CERKL: variants seen among roughly 807,000 people sequenced by gnomAD.
CERKL encodes CERK like autophagy regulator, also known as ceramide kinase-like protein.
A neutral mutation model predicts 63.4 loss-of-function variants in CERKL; 61 were observed. The ratio of observed to expected loss-of-function variants is 0.96; its 90% CI spans 0.78 to 1.19. The LOEUF (loss-of-function observed/expected upper bound fraction) is 1.19, where lower values mean the gene tolerates loss of function less well. Among genes scored for constraint, CERKL ranks in the 50% most tolerant of loss-of-function variants. CERKL has a pLI of 0.00. For synonymous variants in CERKL, 250 were observed against 230.5 expected (o/e 1.08, Z -0.77); for missense variants, 675 against 655.5 (o/e 1.03, Z -0.33).
At chr2:181,590,696 T>C (rs6732321) in intron 2 of CERKL, among the ~76,000 whole-genome samples, 4,634 of 152,282 alleles carry the variant, frequency 0.03, 224 homozygotes, top group African/African-American at 0.11. Flanking sequence ...TGAACTTTAA[T>C]GTATTAAAAC....
rs902430069 is a variant in CERKL, at chr2:181,600,522, T to C, written c.481+3315A>G. On this transcript the variant is annotated intron_variant, in intron 2 of 12. Transcript: ENST00000410087. ...CTCAAAGTGAAGGGATGGAGAAAGATCTAGCATGCAAATAGAAAATTAAAA... is the reference window on the plus strand; with the variant it reads ...CTCAAAGTGAAGGGATGGAGAAAGACCTAGCATGCAAATAGAAAATTAAAA... Among the ~76,000 whole-genome samples, 10 of 152,054 alleles carry C rather than the reference T, an allele frequency of 6.6e-5. 1 individual carries two copies. Among genetic ancestry groups the C allele is most frequent in the Admixed American group, 6.5e-4 (10 of 15,272 alleles).
chr2:181,585,122 T>G (rs1684705622), intron 2 of CERKL, among the ~76,000 whole-genome samples: 1 of 152,054 alleles, frequency 6.6e-6, no homozygotes, highest in Non-Finnish European at 1.5e-5. Context: ...TTCATCTGAT[T>G]GCCTGGTAGT....
chr2:181,623,044 A>G (rs534264844), intron 1 of CERKL, among the ~76,000 whole-genome samples: 3 of 152,224 alleles, frequency 2.0e-5, no homozygotes, highest in African/African-American at 4.8e-5. Context: ...AAGTTCCTCT[A>G]TGTAAGGAAA....
intron 2 of CERKL, among the ~76,000 whole-genome samples, chr2:181,578,211 CACAT>C (rs1459779990): frequency 6.6e-6 from 1 of 151,428 alleles, no homozygotes; most frequent in Non-Finnish European, 1.5e-5. Flanking sequence ...TATATATACA[CACAT>C]ATATATACAC....
intron 1 of CERKL, among the ~76,000 whole-genome samples, chr2:181,604,957 A>G (rs1685617498): frequency 6.6e-6 from 1 of 152,196 alleles, no homozygotes; most frequent in South Asian, 2.1e-4. Flanking sequence ...ATTGACTCTC[A>G]AAGTAGAAGT....
intron 1 of CERKL, among the ~76,000 whole-genome samples, chr2:181,609,533 T>TAAAAAAAAAAAAAAAAAAAA (rs869037405): frequency 1.0e-4 from 7 of 70,212 alleles, no homozygotes; most frequent in Non-Finnish European, 1.1e-4. Flanking sequence ...CTGTCTCTAC[T>TAAAAAAAAAAAAAAAAAAAA]AAAAAAAAAA....
At chr2:181,575,638 C>T (rs973752675) in intron 2 of CERKL, among the ~76,000 whole-genome samples, 13 of 152,124 alleles carry the variant, frequency 8.5e-5, no homozygotes, top group African/African-American at 3.1e-4. Flanking sequence ...ACCCCTCATC[C>T]CACCCCTGAG....
In CERKL at chr2:181,566,229, A is replaced by T. The variant is rs189073238; in HGVS notation, c.614-108T>A. The T allele has an allele frequency of 5.7e-5, 46 of 811,754 alleles. No individual in the cohort carries two copies. The African/African-American group carries it at 7.4e-4, about 13-fold the overall frequency. The allele number at this position is 811,754 out of a possible 1,614,324, so 50.3% of individuals were successfully genotyped here. ...ATGATAAACATATGGTCAAGTCATA[A>T]AACAGCATTTATTCTTGAATATTTA... On this transcript the variant is annotated intron_variant, in intron 3 of 12. Coordinates refer to ENST00000410087, the MANE Select transcript of CERKL (RefSeq NM_201548.5).
chr2:181,604,979 TA>T lies in CERKL; in HGVS notation c.239-901del, dbSNP rs571931107. Among the ~76,000 whole-genome samples the T allele has an allele frequency of 2.6e-4, 40 of 152,228 alleles. 1 individual carries two copies. The East Asian group carries it at 7.5e-3, about 29-fold the overall frequency. ...CTCAAAGTAGAAGTGTTTTAGACCTTAAAAAAAGACTTCCAAAACTTCTGCT... is the reference window on the plus strand; with the variant it reads ...CTCAAAGTAGAAGTGTTTTAGACCTTAAAAAAGACTTCCAAAACTTCTGCT... On this transcript the variant is annotated intron_variant, in intron 1 of 12. Coordinates refer to ENST00000410087, the MANE Select transcript of CERKL (RefSeq NM_201548.5).
intron 3 of CERKL, among the ~76,000 whole-genome samples, chr2:181,572,212 G>C (rs527586678): frequency 2.0e-5 from 3 of 151,722 alleles, no homozygotes; most frequent in African/African-American, 7.3e-5. Context: ...TAGTTCAAAT[G>C]CTTTTCTTGA....
chr2:181,640,307 T>G (rs1314309588), intron 1 of CERKL, among the ~76,000 whole-genome samples: 1 of 152,168 alleles, frequency 6.6e-6, no homozygotes, highest in Non-Finnish European at 1.5e-5. Context: ...TGAGAGTTCC[T>G]TCCTGTTGCT....
chr2:181,591,629 T>C lies in CERKL; in HGVS notation c.481+12208A>G, dbSNP rs190515802. Among the ~76,000 whole-genome samples the C allele has an allele frequency of 1.5e-3, 227 of 152,294 alleles. 2 individuals carry two copies. The highest frequency in any genetic ancestry group is 0.014 in the Middle Eastern group (4 of 294). On this transcript the variant is annotated intron_variant, in intron 2 of 12. Transcript: ENST00000410087. ...AAAGTAGTTTTTATACATCATACGA[T>C]TGGGCAAATGGGCACATGCCTTGTT...
intron 1 of CERKL, among the ~76,000 whole-genome samples, chr2:181,622,532 A>C (rs977726832): frequency 3.3e-5 from 5 of 152,234 alleles, no homozygotes; most frequent in Non-Finnish European, 5.9e-5. Context: ...CTAACAAAAT[A>C]AATGAAGTCT....
chr2:181,558,487 T>C lies in CERKL; in HGVS notation c.820+79A>G. ...TCAAAGTCTGTTCATTAATTCTGTGTTGTGCTGTCTAGATTAGCAAGTAAG... is the reference window on the plus strand; with the variant it reads ...TCAAAGTCTGTTCATTAATTCTGTGCTGTGCTGTCTAGATTAGCAAGTAAG... On this transcript the variant is annotated intron_variant, in intron 5 of 12. Coordinates refer to ENST00000410087, the MANE Select transcript of CERKL (RefSeq NM_201548.5). This position sits in a 1 kb window ranked among gnomAD's most constrained non-coding sequence, Gnocchi z 4.2. 1.7e-5 allele frequency: 24 copies of C among 1,452,902 alleles called. No homozygotes were observed. The highest frequency in any genetic ancestry group is 2.3e-5 in the Non-Finnish European group (24 of 1,041,196). The allele number at this position is 1,452,902 out of a possible 1,614,324, so 90.0% of individuals were successfully genotyped here. A position where few individuals can be genotyped will look rare whatever the true frequency, so the allele number is the denominator to read the frequency against.
At chr2:181,598,097 G>A (rs1316519824) in intron 2 of CERKL, among the ~76,000 whole-genome samples, 12 of 152,122 alleles carry the variant, frequency 7.9e-5, no homozygotes, top group Admixed American at 7.9e-4. Flanking sequence ...ACAGGTACTC[G>A]AAGAAAGAGT....
chr2:181,602,378 A>G (rs1490659917), intron 2 of CERKL, among the ~76,000 whole-genome samples: 2 of 152,196 alleles, frequency 1.3e-5, no homozygotes, highest in African/African-American at 4.8e-5. Context: ...GAAATTATTA[A>G]TTTTCATTTT....
At chr2:181,590,292 C>T (rs955785664) in intron 2 of CERKL, among the ~76,000 whole-genome samples, 11 of 152,020 alleles carry the variant, frequency 7.2e-5, no homozygotes, top group Admixed American at 6.6e-5. Flanking sequence ...CATGTGCCAC[C>T]AAGCCCAGCT....
chr2:181,653,503 A>T (rs374376074), intron 1 of CERKL, among the ~76,000 whole-genome samples: 1 of 152,234 alleles, frequency 6.6e-6, no homozygotes, highest in East Asian at 1.9e-4. Context: ...TATGGAATCA[A>T]CCTAAGCGTA....
chr2:181,559,477 G>A (rs1688345958), intron 4 of CERKL, among the ~76,000 whole-genome samples: 1 of 152,110 alleles, frequency 6.6e-6, no homozygotes, highest in Non-Finnish European at 1.5e-5. Context: ...CTCAGTGAAA[G>A]CAGGTGTCAC....
Sources: gnomAD v4.1 joint callset for allele counts (sites outside exome capture counted in the v4.1 genomes callset) on GRCh38, gnomAD v4.1.1 for gene constraint, Gnocchi (gnomAD v3.1) non-coding constraint, MANE v1.5 for transcripts, NCBI Gene and HGNC (gene_info 2026-07-23, HGNC 2026-07-21) for gene names.